The following LPIN1 variants were observed in gnomAD, a reference collection of about 807,000 sequenced individuals.
LPIN1 encodes phosphatidate phosphatase LPIN1.
Under a neutral mutation model 107.5 loss-of-function variants are expected in LPIN1, and 71 were observed. The observed-to-expected ratio is 0.66, with a 90% CI of 0.55 to 0.80. The LOEUF (loss-of-function observed/expected upper bound fraction) is 0.80. Among genes scored for constraint, LPIN1 ranks in the 30% least tolerant of loss-of-function variants. The pLI, the probability that LPIN1 is intolerant of heterozygous loss-of-function variation, is 0.00. For missense variants in LPIN1, 1,043 were observed against 1,160.6 expected (o/e 0.90, Z 1.47); for synonymous variants, 445 against 452.6 (o/e 0.98, Z 0.21).
chr2:11,821,944 T>C (rs1681594259), intron 20 of LPIN1, among the ~76,000 whole-genome samples: 1 of 152,182 alleles, frequency 6.6e-6, no homozygotes, highest in Non-Finnish European at 1.5e-5. Flanking sequence ...TTGATTCCTT[T>C]CTTAACCCTT....
chr2:11,693,800 A>ATATAT (rs1553398402), intron 1 of LPIN1, among the ~76,000 whole-genome samples: 1,118 of 18,562 alleles, frequency 0.06, 40 homozygotes, highest in East Asian at 0.24. Flanking sequence ...ATATATATAT[A>ATATAT]TATATATATA....
At chr2:11,728,071 G>A (rs1407164354) in intron 1 of LPIN1, among the ~76,000 whole-genome samples, 1 of 152,218 alleles carries the variant, frequency 6.6e-6, no homozygotes, top group Non-Finnish European at 1.5e-5. Context: ...GTGTGGTTAT[G>A]AGATTCATGT....
At chr2:11,724,489 G>A (rs2148538106) in exon 1 of LPIN1, 1 of 985,844 alleles carries the variant, frequency 1.0e-6, no homozygotes, top group Non-Finnish European at 1.2e-6. Context: ...GGCCCAGCCT[G>A]CTGAGAACTA....
At chr2:11,724,787 C>A in intron 1 of LPIN1, 1 of 263,262 alleles carries the variant, frequency 3.8e-6, no homozygotes, top group Non-Finnish European at 5.9e-6. Flanking sequence ...TGGAGCTGTG[C>A]AACAAGACAG....
chr2:11,743,374 C>A (rs1402791474), upstream of LPIN1, among the ~76,000 whole-genome samples: 1 of 152,180 alleles, frequency 6.6e-6, no homozygotes, highest in Admixed American at 6.5e-5. The surrounding 1 kb of genome is among the most constrained non-coding windows in gnomAD (Gnocchi z 4.7). Context: ...CCCTGCGGAA[C>A]CCAGAACCTT....
At chr2:11,750,720 G>A (rs545907790) in intron 1 of LPIN1, among the ~76,000 whole-genome samples, 71 of 152,282 alleles carry the variant, frequency 4.7e-4, no homozygotes, top group African/African-American at 1.7e-3. Flanking sequence ...ACCTGTCTTT[G>A]ATCACAGAGT....
At chr2:11,740,375 A>G (rs114018991) in intron 1 of LPIN1, among the ~76,000 whole-genome samples, 1,816 of 152,252 alleles carry the variant, frequency 0.012, 33 homozygotes, top group African/African-American at 0.041. Context: ...GTATCCCTTA[A>G]CCCAGTCAAG....
In LPIN1 at chr2:11,765,445, T is replaced by G. The variant is rs1292547362; in HGVS notation, c.-9-88T>G. ...CTGAAAGTTGAGTGTGTAATCCACG[T>G]TTTTGAAATGGTGAGGAGTTCATTT... is the stretch of plus-strand genomic sequence containing the variant. On this transcript the variant is annotated intron_variant, in intron 1 of 20. Transcript: ENST00000674199. The surrounding 1 kb of genome is among the most constrained non-coding windows in gnomAD (Gnocchi z 4.4). 7.8e-7 allele frequency: 1 copy of G among 1,276,310 alleles called. No homozygotes were observed. The highest frequency in any genetic ancestry group is 1.5e-5 in the African/African-American group (1 of 67,818). The allele number at this position is 1,276,310 out of a possible 1,614,324, so 79.1% of individuals were successfully genotyped here.
At chr2:11,724,288 A>T, upstream of LPIN1, 1 of 944,640 alleles carries the variant, frequency 1.1e-6, no homozygotes, top group Non-Finnish European at 1.3e-6. Context: ...CGTGGGGGGC[A>T]TCAGAATCCT....
At chr2:11,779,413 C>T in intron 6 of LPIN1, 106 bp from the exon 7 acceptor site, 1 of 1,219,888 alleles carries the variant, frequency 8.2e-7, no homozygotes, top group Non-Finnish European at 1.2e-6. Context: ...GAGCGAACGA[C>T]AGCTGGGGGT....
chr2:11,721,618 G>T (rs772996182), upstream of LPIN1: 1 of 152,176 alleles, frequency 6.6e-6, no homozygotes, highest in Non-Finnish European at 1.5e-5. Context: ...ATTGAGTTTG[G>T]TTGAGGCCCA....
intron 1 of LPIN1, among the ~76,000 whole-genome samples, chr2:11,758,615 GAGA>G (rs1328408027): frequency 6.6e-6 from 1 of 152,308 alleles, no homozygotes; most frequent in African/African-American, 2.4e-5. Context: ...GAGAATTATT[GAGA>G]AGATTTCCTG....
intron 16 of LPIN1, 88 bp from the exon 17 acceptor site, chr2:11,804,982 G>GTTTTTT: frequency 1.4e-6 from 1 of 704,166 alleles, no homozygotes; most frequent in African/African-American, 2.0e-5. Context: ...TCTTGTTTGT[G>GTTTTTT]TTTTTTTTTT....
chr2:11,753,218 C>T (rs552022539), intron 1 of LPIN1, among the ~76,000 whole-genome samples: 2 of 152,206 alleles, frequency 1.3e-5, no homozygotes, highest in African/African-American at 4.8e-5. Flanking sequence ...GCTTTGGTGG[C>T]GGGACCCCAG....
rs565715741 is a variant in LPIN1, at chr2:11,813,980, C to G, written c.2250-1108C>G. Among the ~76,000 whole-genome samples the G allele has an allele frequency of 1.1e-3, 173 of 151,874 alleles. 1 individual carries two copies. The highest frequency in any genetic ancestry group is 3.9e-3 in the African/African-American group (162 of 41,420). On this transcript the variant is annotated intron_variant, in intron 17 of 20. Coordinates refer to ENST00000674199, the MANE Select transcript of LPIN1 (RefSeq NM_001349206.2). Reference sequence around the variant, plus strand: ...AACGCAATAAAGTTGTGTTCATAGACTAGTTGTTTCTTCAGTCTAGATATG... The same window carrying G: ...AACGCAATAAAGTTGTGTTCATAGAGTAGTTGTTTCTTCAGTCTAGATATG...
At chr2:11,796,381 C>T (rs190323091) in intron 14 of LPIN1, among the ~76,000 whole-genome samples, 9 of 152,286 alleles carry the variant, frequency 5.9e-5, no homozygotes, top group Non-Finnish European at 1.2e-4. Context: ...GAATCCCGGC[C>T]ATGGCTCTGT....
At chr2:11,748,723 G>A (rs953769672) in intron 1 of LPIN1, among the ~76,000 whole-genome samples, 10 of 152,254 alleles carry the variant, frequency 6.6e-5, no homozygotes, top group African/African-American at 2.4e-4. Context: ...TCTGTGTACT[G>A]GGTTCAAGGC....
chr2:11,785,053 G>T lies in LPIN1; in HGVS notation c.1526G>T (p.Ser509Ile). Residue 509 changes from serine to isoleucine, a missense_variant, in exon 10 of 21, where the codon AGC becomes ATC. Ser to Ile is a moderately radical substitution (Grantham distance 142). Coordinates refer to ENST00000674199, the MANE Select transcript of LPIN1 (RefSeq NM_001349206.2). ...GCCATCTCCCTCTGCGGGGGCCTCA[G>T]CGACCACCGGGAGATCACGAAAGGT... ...SIAISLCGGL[S>I]DHREITKDAF... The T allele has an allele frequency of 6.3e-7, 1 of 1,591,942 alleles. No individual in the cohort carries two copies.
At chr2:11,804,778 C>G (rs1678360303) in intron 16 of LPIN1, among the ~76,000 whole-genome samples, 1 of 152,122 alleles carries the variant, frequency 6.6e-6, no homozygotes, top group Non-Finnish European at 1.5e-5. Context: ...ATTATTATCT[C>G]TTCGACTTGG....
Sources: allele counts gnomAD v4.1 joint callset (sites outside exome capture counted in the v4.1 genomes callset), GRCh38; gene constraint gnomAD v4.1.1; non-coding constraint Gnocchi (gnomAD v3.1); transcripts MANE v1.5; gene names NCBI Gene and HGNC (gene_info 2026-07-23, HGNC 2026-07-21).